NBEA: variants seen among roughly 807,000 people sequenced by gnomAD.
NBEA encodes lysosomal-trafficking regulator 2.
In NBEA, 44 loss-of-function variants were observed where a neutral mutation model predicts 343.4. That is an observed-to-expected ratio of 0.13 (90% confidence interval 0.10 to 0.16). The LOEUF is 0.16. NBEA is among the 10% of genes least tolerant of loss of function. NBEA has a pLI of 1.00. For synonymous variants in NBEA, 1,175 were observed against 1,238.7 expected (o/e 0.95, Z 1.08); for missense variants, 2,555 against 3,631.3 (o/e 0.70, Z 7.62).
intron 38 of NBEA, among the ~76,000 whole-genome samples, chr13:35,396,026 T>A (rs545007498): frequency 2.0e-5 from 3 of 152,282 alleles, no homozygotes; most frequent in South Asian, 2.1e-4. Flanking sequence ...GTCTATGTTT[T>A]TTAGTGCATT....
rs764017565 is a variant in NBEA, at chr13:35,649,787, G to A, written c.7903G>A (p.Ala2635Thr). ...ANTLPHLTIPAVVTVTCSRLF... is the reference protein window; with the variant it reads ...ANTLPHLTIPTVVTVTCSRLF... ...CACTCTGCCCCACTTGACCATCCCC[G>A]CAGTGGTGACAGTGACTTGCAGCCG... is the stretch of plus-strand genomic sequence containing the variant. Residue 2635 changes from alanine (A) to threonine (T), a missense_variant, in exon 52 of 59, where the codon GCA becomes ACA. Around this residue, in one of 21 missense-constraint regions of NBEA, gnomAD observed 61 missense variants for 132.1 expected, o/e 0.46. Transcript: ENST00000379939. 1.9e-6 allele frequency: 3 copies of A among 1,613,962 alleles called. No homozygotes were observed. The highest frequency in any genetic ancestry group is 8.5e-7 in the Non-Finnish European group (1 of 1,179,884).
intron 38 of NBEA, among the ~76,000 whole-genome samples, chr13:35,373,400 A>C (rs941617897): frequency 6.6e-6 from 1 of 152,152 alleles, no homozygotes; most frequent in African/African-American, 2.4e-5. Flanking sequence ...GTTACAGAAA[A>C]TGTAATGTTA....
chr13:35,015,146 A>C lies in NBEA; in HGVS notation c.295-25787A>C, dbSNP rs1407340900. ...AGATCTGAAAAAAAAAAAACAAACA[A>C]AAAAAAAAAACCACACACAAAGCAG... is the stretch of plus-strand genomic sequence containing the variant. On this transcript the variant is annotated intron_variant, in intron 1 of 58. Transcript: ENST00000379939. Among the ~76,000 whole-genome samples the C allele has an allele frequency of 5.4e-5, 8 of 148,040 alleles. 1 individual carries two copies. The highest frequency in any genetic ancestry group is 1.7e-4 in the African/African-American group (7 of 40,090).
chr13:35,475,856 G>A, intron 41 of NBEA: 2 of 1,614,034 alleles, frequency 1.2e-6, no homozygotes, highest in Non-Finnish European at 1.7e-6. Flanking sequence ...GCGCAGCCGG[G>A]CAGTGAGCCA....
At chr13:35,177,389 C>T (rs1016395473) in intron 28 of NBEA, among the ~76,000 whole-genome samples, 5 of 151,812 alleles carry the variant, frequency 3.3e-5, no homozygotes, top group Admixed American at 1.3e-4. Context: ...GTATCAACTA[C>T]TCCTCTCTTA....
At chr13:35,624,885 T>G (rs1346525494) in intron 48 of NBEA, among the ~76,000 whole-genome samples, 1 of 152,108 alleles carries the variant, frequency 6.6e-6, no homozygotes, top group African/African-American at 2.4e-5. Context: ...CTATGTAGAT[T>G]ATGATATTAT....
At chr13:35,140,847 C>G (rs2068048345) in intron 17 of NBEA, among the ~76,000 whole-genome samples, 1 of 152,090 alleles carries the variant, frequency 6.6e-6, no homozygotes, top group Non-Finnish European at 1.5e-5. Context: ...ATTTCATGTT[C>G]ACTTAAAATC....
chr13:35,282,751 G>C (rs1190333132), intron 34 of NBEA, among the ~76,000 whole-genome samples: 2 of 152,058 alleles, frequency 1.3e-5, no homozygotes, highest in Non-Finnish European at 2.9e-5. Flanking sequence ...ATATTATTTA[G>C]AGTCATAGTA....
Position 35,177,968 on chromosome 13 carries a change from C to T in NBEA, c.4662+865C>T, listed in dbSNP as rs149594708. On this transcript the variant is annotated intron_variant, in intron 28 of 58. Coordinates refer to ENST00000379939, the MANE Select transcript of NBEA (RefSeq NM_001385012.1). Reference sequence around the variant, plus strand: ...TAGGAATGTACAATAGAAAAATCATCACTCTGTTTAATATATATTAGTTAT... The same window carrying T: ...TAGGAATGTACAATAGAAAAATCATTACTCTGTTTAATATATATTAGTTAT... 5.7e-3 allele frequency among the ~76,000 whole-genome samples: 859 copies of T among 151,672 alleles called. 6 individuals carry two copies. Among genetic ancestry groups the T allele is most frequent in the Non-Finnish European group, 8.8e-3 (596 of 67,700 alleles).
intron 1 of NBEA, among the ~76,000 whole-genome samples, chr13:34,996,151 T>C (rs547244402): frequency 6.6e-6 from 1 of 152,234 alleles, no homozygotes; most frequent in Non-Finnish European, 1.5e-5. Context: ...ATCTTGAATG[T>C]GCAAATTACA....
chr13:34,989,093 G>C, intron 1 of NBEA, among the ~76,000 whole-genome samples: 1 of 150,518 alleles, frequency 6.6e-6, no homozygotes, highest in South Asian at 2.1e-4. Context: ...TTTTTTAGGC[G>C]TATCTCCCTG....
chr13:35,050,215 G>C lies in NBEA; in HGVS notation c.846-54G>C, dbSNP rs1171480594. The C allele has an allele frequency of 4.6e-6, 7 of 1,519,178 alleles. No homozygotes were observed. The African/African-American group carries it at 9.7e-5, about 21-fold the overall frequency. 94.1% of individuals were successfully genotyped at this position (1,519,178 alleles called of 1,614,324 possible). ...TATAAGAATGTTTAATAGCCATTAG[G>C]TGTTTAGTTCTTTTTATCAGAGGAT... On this transcript the variant is annotated intron_variant, in intron 5 of 58. Transcript: ENST00000379939.
intron 38 of NBEA, among the ~76,000 whole-genome samples, chr13:35,355,905 C>G (rs1162874884): frequency 6.6e-6 from 1 of 151,400 alleles, no homozygotes; most frequent in African/African-American, 2.4e-5. Context: ...CCCCACTTTT[C>G]AACATCTATT....
intron 48 of NBEA, among the ~76,000 whole-genome samples, chr13:35,620,336 A>G (rs568547822): frequency 6.6e-6 from 1 of 151,994 alleles, no homozygotes; most frequent in Non-Finnish European, 1.5e-5. Context: ...ATGAAGGGAG[A>G]TTAGAGGTAG....
At chr13:35,032,393 A>G (rs2062262339) in intron 1 of NBEA, among the ~76,000 whole-genome samples, 1 of 151,696 alleles carries the variant, frequency 6.6e-6, no homozygotes, top group South Asian at 2.1e-4. Context: ...TATTTCTCTA[A>G]TGATCAGTTT....
At chr13:35,231,068 T>G (rs2074944764) in intron 33 of NBEA, among the ~76,000 whole-genome samples, 1 of 152,186 alleles carries the variant, frequency 6.6e-6, no homozygotes, top group East Asian at 1.9e-4. Flanking sequence ...TTCAAATCCC[T>G]TTTTCTTACG....
intron 34 of NBEA, among the ~76,000 whole-genome samples, chr13:35,275,134 G>T (rs959566614): frequency 6.6e-6 from 1 of 152,118 alleles, no homozygotes; most frequent in Non-Finnish European, 1.5e-5. Context: ...AACCAAAACA[G>T]CATGGTACTT....
At chr13:35,434,464 A>T (rs1414405606) in intron 39 of NBEA, among the ~76,000 whole-genome samples, 1 of 152,020 alleles carries the variant, frequency 6.6e-6, no homozygotes, top group Non-Finnish European at 1.5e-5. Flanking sequence ...TGTTTTTATT[A>T]TACCTATTAA....
intron 38 of NBEA, among the ~76,000 whole-genome samples, chr13:35,410,146 A>G (rs1385921931): frequency 6.6e-6 from 1 of 152,166 alleles, no homozygotes; most frequent in Non-Finnish European, 1.5e-5. Context: ...GATATAAACA[A>G]AAAGTTGAAA....
Sources: allele counts gnomAD v4.1 joint callset (sites outside exome capture counted in the v4.1 genomes callset), GRCh38; gene constraint gnomAD v4.1.1; regional missense constraint gnomAD v4.1.1; transcripts MANE v1.5; gene names NCBI Gene and HGNC (gene_info 2026-07-23, HGNC 2026-07-21).